Variants in MYO5A observed in about 807,000 individuals in gnomAD.
MYO5A encodes unconventional myosin-Va.
Under a neutral mutation model 249.7 loss-of-function variants are expected in MYO5A, and 98 were observed. The ratio of observed to expected loss-of-function variants is 0.39; its 90% CI spans 0.33 to 0.46. The LOEUF (loss-of-function observed/expected upper bound fraction) is 0.46, where lower values mean the gene tolerates loss of function less well. Ranked by LOEUF, MYO5A falls within the 20% of genes least tolerant of loss-of-function variation. The pLI is 0.98. For synonymous variants in MYO5A, 778 were observed against 810.6 expected, an observed-to-expected ratio of 0.96 and a Z score of 0.68; for missense variants, 1,696 against 2,308.8, an observed-to-expected ratio of 0.73 and a Z score of 5.44.
intron 38 of MYO5A, among the ~76,000 whole-genome samples, chr15:52,320,549 A>T (rs1358588325): frequency 6.6e-6 from 1 of 152,214 alleles, no homozygotes; most frequent in Non-Finnish European, 1.5e-5. Context: ...TGAAGAAAAC[A>T]TTGCCATCTC....
Position 52,311,140 on chromosome 15 carries a change from A to G in MYO5A, c.*2556T>C, listed in dbSNP as rs1411108298. ...GGGCTCAGACCACAGCCTTTCTTTC[A>G]TGACGCTTCAGTACATGAGCTGTCC... On this transcript the variant is annotated 3_prime_UTR_variant, in exon 42 of 42. Transcript: ENST00000399233. 6.6e-6 allele frequency: 1 copy of G among 152,238 alleles called. No homozygotes were observed. The highest frequency in any genetic ancestry group is 1.5e-5 in the Non-Finnish European group (1 of 68,086). The allele number at this position is 152,238 out of a possible 1,614,324, so 9.4% of individuals were successfully genotyped here.
At chr15:52,399,870 C>A (rs761161874) in intron 9 of MYO5A, among the ~76,000 whole-genome samples, 3 of 152,054 alleles carry the variant, frequency 2.0e-5, no homozygotes, top group African/African-American at 7.2e-5. Flanking sequence ...CATGTGCACC[C>A]AACGTTTAGC....
rs12916392 is a variant in MYO5A, at chr15:52,382,027, C to T, written c.2012+1064G>A. ...AAGTGATTCTCCTGCCTCAGCCTCCCGAGTAGCTGGGATTACAGGCGCCCG... is the reference window on the plus strand; with the variant it reads ...AAGTGATTCTCCTGCCTCAGCCTCCTGAGTAGCTGGGATTACAGGCGCCCG... On this transcript the variant is annotated intron_variant, in intron 16 of 41. Coordinates refer to ENST00000399233, the MANE Select transcript of MYO5A (RefSeq NM_001382347.1). Among the ~76,000 whole-genome samples the T allele has an allele frequency of 6.7e-3, 1,023 of 151,968 alleles. 1 individual carries two copies. Among genetic ancestry groups the T allele is most frequent in the Admixed American group, 8.6e-3 (131 of 15,288 alleles).
intron 11 of MYO5A, among the ~76,000 whole-genome samples, chr15:52,392,475 C>T (rs759547819): frequency 1.3e-5 from 2 of 152,214 alleles, no homozygotes; most frequent in Non-Finnish European, 2.9e-5. Context: ...TCATGCTGGG[C>T]AATGCTTTCA....
At chr15:52,453,297 A>T (rs1429446103) in intron 1 of MYO5A, among the ~76,000 whole-genome samples, 1 of 152,200 alleles carries the variant, frequency 6.6e-6, no homozygotes, top group African/African-American at 2.4e-5. Flanking sequence ...CTGAAAGACA[A>T]AAAAACCCTG....
At chr15:52,438,109 A>G in intron 1 of MYO5A, 7 of 942,040 alleles carry the variant, frequency 7.4e-6, no homozygotes, top group Non-Finnish European at 8.9e-6. Context: ...GAAGGGGGTC[A>G]GTTTGAGGAT....
intron 1 of MYO5A, among the ~76,000 whole-genome samples, chr15:52,518,452 T>C (rs907883041): frequency 2.0e-5 from 3 of 152,174 alleles, no homozygotes; most frequent in Admixed American, 1.3e-4. Flanking sequence ...TTTATGAAAA[T>C]GTAATCTAGG....
intron 1 of MYO5A, among the ~76,000 whole-genome samples, chr15:52,512,251 G>A (rs2077407210): frequency 1.3e-5 from 2 of 151,672 alleles, no homozygotes; most frequent in Admixed American, 6.6e-5. Context: ...TGCAATTACA[G>A]TTAAATTAAT....
intron 28 of MYO5A, among the ~76,000 whole-genome samples, chr15:52,350,367 G>C (rs891734050): frequency 1.6e-5 from 2 of 123,224 alleles, no homozygotes; most frequent in Non-Finnish European, 3.6e-5. Context: ...TCTCAGGTGT[G>C]AGTTGCCTTC....
In MYO5A at chr15:52,370,350, T is replaced by C; in HGVS notation, c.2885A>G (p.Glu962Gly). Residue 962 changes from glutamate to glycine, a missense_variant, in exon 22 of 42, where the codon GAG (glutamate) becomes GGG (glycine). Physicochemically the swap from Glu to Gly is moderately conservative, Grantham distance 98. Transcript: ENST00000399233. Reference protein sequence around the residue: ...NLEGIYNSETEKLRSDLERLQ... With the variant: ...NLEGIYNSETGKLRSDLERLQ... The stretch of plus-strand genomic sequence containing the variant: ...ACGTTCTAAGTCACTTCGTAGTTTC[T>C]CAGTCTCAGAGTTGTATATTCCTTC... The C allele has an allele frequency of 6.2e-7, 1 of 1,614,166 alleles. No individual in the cohort carries two copies. Among genetic ancestry groups the C allele is most frequent in the Non-Finnish European group, 8.5e-7 (1 of 1,180,002 alleles).
chr15:52,409,595 G>A (rs1406840860), intron 6 of MYO5A, among the ~76,000 whole-genome samples: 1 of 152,098 alleles, frequency 6.6e-6, no homozygotes, highest in Non-Finnish European at 1.5e-5. Flanking sequence ...ACTGTTACAT[G>A]GCAGTGTCAA....
Position 52,528,761 on chromosome 15 carries a change from C to A in MYO5A, c.27+19G>T, listed in dbSNP as rs978815831. The A allele has an allele frequency of 8.0e-6, 12 of 1,502,956 alleles. No individual in the cohort carries two copies. Among genetic ancestry groups the A allele is most frequent in the Non-Finnish European group, 1.1e-5 (12 of 1,132,934 alleles). The allele number at this position is 1,502,956 out of a possible 1,614,324, so 93.1% of individuals were successfully genotyped here. A position where few individuals can be genotyped will look rare whatever the true frequency, so the allele number is the denominator to read the frequency against. On this transcript the variant is annotated intron_variant, in intron 1 of 41. Transcript: ENST00000399233. ...GCCGCACAGCCCCAGTCCTCGACGC[C>A]GGCCGCGGGGTGCCTTACCTTTGTG...
At chr15:52,328,746 T>G (rs541091140) in intron 35 of MYO5A, among the ~76,000 whole-genome samples, 52 of 152,336 alleles carry the variant, frequency 3.4e-4, no homozygotes, top group African/African-American at 1.2e-3. Flanking sequence ...GCCAAAATCC[T>G]CACCATAGCA....
intron 40 of MYO5A, 140 bp from the exon 41 acceptor site, chr15:52,314,343 AGCTG>A: frequency 4.4e-6 from 3 of 682,752 alleles, no homozygotes; most frequent in Non-Finnish European, 8.0e-6. Flanking sequence ...AGGAAGGAGG[AGCTG>A]GTCTGCACAT....
At chr15:52,439,250 C>T (rs893751119) in intron 1 of MYO5A, among the ~76,000 whole-genome samples, 2 of 152,198 alleles carry the variant, frequency 1.3e-5, no homozygotes, top group Admixed American at 1.3e-4. Context: ...GCTCTGGGAG[C>T]AAGGACGACC....
At chr15:52,476,297 A>C (rs1253888097) in intron 1 of MYO5A, among the ~76,000 whole-genome samples, 1 of 151,916 alleles carries the variant, frequency 6.6e-6, no homozygotes, top group Admixed American at 6.6e-5. Flanking sequence ...TCTGCACGTG[A>C]GATGGGTCTC....
intron 24 of MYO5A, among the ~76,000 whole-genome samples, chr15:52,362,896 G>A (rs1025527820): frequency 3.3e-5 from 5 of 152,148 alleles, no homozygotes; most frequent in Non-Finnish European, 5.9e-5. Context: ...ATACATGTAT[G>A]GCACCTGCTT....
At chr15:52,330,098 G>A (rs778250979) in intron 35 of MYO5A, among the ~76,000 whole-genome samples, 1 of 151,718 alleles carries the variant, frequency 6.6e-6, no homozygotes, top group Admixed American at 6.6e-5. Flanking sequence ...AAGCTTCCAG[G>A]TGATTCTAAT....
intron 20 of MYO5A, 55 bp downstream of exon 20, chr15:52,375,249 G>A (rs939223583): frequency 5.9e-5 from 93 of 1,577,910 alleles, no homozygotes; most frequent in Admixed American, 1.3e-4. Context: ...GTATAGATGT[G>A]AAATTTGGTT....
Sources: gnomAD v4.1 joint callset for allele counts (sites outside exome capture counted in the v4.1 genomes callset) on GRCh38, gnomAD v4.1.1 for gene constraint, MANE v1.5 for transcripts, NCBI Gene and HGNC (gene_info 2026-07-23, HGNC 2026-07-21) for gene names.